Variants in B4GALT1 observed in about 807,000 individuals in gnomAD.
B4GALT1 encodes N-acetyllactosamine synthase.
Under a neutral mutation model 34.9 loss-of-function variants are expected in B4GALT1, and 16 were observed. The observed-to-expected ratio is 0.46, with a 90% CI of 0.31 to 0.70. B4GALT1 has a LOEUF of 0.70. B4GALT1 is among the 30% of genes least tolerant of loss of function. B4GALT1 has a pLI of 0.05. For synonymous variants in B4GALT1, 221 were observed against 218.1 expected (o/e 1.01, Z -0.12); for missense variants, 445 against 530.5 (o/e 0.84, Z 1.58).
At chr9:33,139,226 TG>T (rs1469187404) in intron 1 of B4GALT1, among the ~76,000 whole-genome samples, 2 of 152,168 alleles carry the variant, frequency 1.3e-5, no homozygotes, top group African/African-American at 4.8e-5. Flanking sequence ...AGACAAATCC[TG>T]CCTTCCAGGA....
the B4GALT1 span, among the ~76,000 whole-genome samples, chr9:33,175,686 T>C: frequency 3.9e-5 from 6 of 152,362 alleles, no homozygotes; most frequent in South Asian, 1.0e-3. Context: ...CATTGTGTTA[T>C]AATTGCCTAC....
chr9:33,166,949 G>A lies in B4GALT1; in HGVS notation c.221C>T (p.Ser74Phe). The A allele has an allele frequency of 1.3e-6, 2 of 1,576,136 alleles. No homozygotes were observed. The highest frequency in any genetic ancestry group is 1.7e-6 in the Non-Finnish European group (2 of 1,168,182). Residue 74 changes from serine (S) to phenylalanine (F), a missense_variant, in exon 1 of 6, where the codon TCC becomes TTC. Ser to Phe is a radical substitution (Grantham distance 155). This residue lies in a region of B4GALT1 where 349 missense variants were observed against 395.5 expected (regional missense o/e 0.88). Transcript: ENST00000379731. ...GGCCCCTCCGGTCCGGAGCTCCCCG[G>A]AGGACTGCCCGATGGCGGCGGCACT... ...SNSAAAIGQS[S>F]GELRTGGARP...
chr9:33,152,987 C>T (rs1322456056), intron 1 of B4GALT1, among the ~76,000 whole-genome samples: 1 of 151,996 alleles, frequency 6.6e-6, no homozygotes, highest in East Asian at 1.9e-4. Flanking sequence ...TCATTTGAGC[C>T]CAGGAGTTCG....
chr9:33,160,247 AC>A (rs1840655056), intron 1 of B4GALT1, among the ~76,000 whole-genome samples: 1 of 149,700 alleles, frequency 6.7e-6, no homozygotes, highest in African/African-American at 2.5e-5. Flanking sequence ...CACAAGCATC[AC>A]TACATCACTA....
At chr9:33,128,089 C>T (rs980202725) in intron 2 of B4GALT1, among the ~76,000 whole-genome samples, 8 of 152,010 alleles carry the variant, frequency 5.3e-5, no homozygotes, top group Admixed American at 2.0e-4. Context: ...GTAGTTAGGT[C>T]GGCATTCCTC....
chr9:33,106,726 G>C (rs965973673), downstream of B4GALT1, among the ~76,000 whole-genome samples: 4 of 152,184 alleles, frequency 2.6e-5, no homozygotes, highest in African/African-American at 4.8e-5. Flanking sequence ...TTTTACAAAT[G>C]ATGACCCAGA....
intron 2 of B4GALT1, among the ~76,000 whole-genome samples, chr9:33,132,545 C>A (rs1840208697): frequency 6.6e-6 from 1 of 152,188 alleles, no homozygotes; most frequent in Admixed American, 6.5e-5. Flanking sequence ...AGGTGGTGCC[C>A]AGTGTTAGCC....
chr9:33,179,104 C>G, the B4GALT1 span: 2 of 152,218 alleles, frequency 1.3e-5, no homozygotes, highest in Admixed American at 6.5e-5. Flanking sequence ...TTCTATGAGC[C>G]AAAACAAGTT....
chr9:33,121,693 A>C (rs1840023054), intron 2 of B4GALT1, among the ~76,000 whole-genome samples: 1 of 152,132 alleles, frequency 6.6e-6, no homozygotes, highest in Admixed American at 6.6e-5. Flanking sequence ...AGCTCAATGA[A>C]GGTTAGGATG....
At chr9:33,159,430 G>A (rs1840644017) in intron 1 of B4GALT1, among the ~76,000 whole-genome samples, 1 of 152,114 alleles carries the variant, frequency 6.6e-6, no homozygotes, top group South Asian at 2.1e-4. Context: ...CCTCGCCCTA[G>A]CACTCCAGGC....
intron 2 of B4GALT1, among the ~76,000 whole-genome samples, chr9:33,126,013 A>G (rs1218388111): frequency 6.6e-6 from 1 of 152,176 alleles, no homozygotes; most frequent in Non-Finnish European, 1.5e-5. Context: ...CAGAACTTCT[A>G]CGTGATAAGA....
intron 1 of B4GALT1, among the ~76,000 whole-genome samples, chr9:33,141,395 T>G (rs566117370): frequency 1.9e-4 from 29 of 152,170 alleles, no homozygotes; most frequent in Non-Finnish European, 3.5e-4. Flanking sequence ...GGTGTAGCTG[T>G]AATCCCAGCT....
upstream of B4GALT1, among the ~76,000 whole-genome samples, chr9:33,170,352 A>G (rs777849035): frequency 1.8e-4 from 28 of 152,326 alleles, no homozygotes; most frequent in Admixed American, 7.2e-4. Flanking sequence ...TTGCTAACTT[A>G]GTTTAGAACG....
downstream of B4GALT1, among the ~76,000 whole-genome samples, chr9:33,110,118 C>T (rs979573276): frequency 1.3e-5 from 2 of 152,240 alleles, no homozygotes; most frequent in African/African-American, 4.8e-5. Context: ...AGCCCTTCTT[C>T]AGGAGTGCCA....
At chr9:33,118,127 A>C (rs1362441149) in intron 3 of B4GALT1, among the ~76,000 whole-genome samples, 2 of 152,218 alleles carry the variant, frequency 1.3e-5, no homozygotes, top group Non-Finnish European at 2.9e-5. Context: ...TTTCAAGAGA[A>C]GAAGATACAC....
At chr9:33,177,407 T>C in the B4GALT1 span, 1 of 152,228 alleles carries the variant, frequency 6.6e-6, no homozygotes, top group Non-Finnish European at 1.5e-5. Context: ...TTTGTTTTAA[T>C]TATCTATTGC....
chr9:33,156,160 G>C (rs1840591099), intron 1 of B4GALT1, among the ~76,000 whole-genome samples: 1 of 151,768 alleles, frequency 6.6e-6, no homozygotes, highest in Non-Finnish European at 1.5e-5. Flanking sequence ...TGGAGACAGA[G>C]TCTCACTCTG....
intron 1 of B4GALT1, among the ~76,000 whole-genome samples, chr9:33,149,112 C>T (rs1458343012): frequency 6.6e-6 from 1 of 151,672 alleles, no homozygotes; most frequent in African/African-American, 2.4e-5. Context: ...CCATCAACTA[C>T]CATAATAACT....
intron 1 of B4GALT1, among the ~76,000 whole-genome samples, chr9:33,161,177 C>T (rs954586123): frequency 6.6e-6 from 1 of 152,124 alleles, no homozygotes; most frequent in Non-Finnish European, 1.5e-5. Flanking sequence ...ATTATATAGC[C>T]CCTGGCCTTC....
Sources: allele counts gnomAD v4.1 joint callset (sites outside exome capture counted in the v4.1 genomes callset), GRCh38; gene constraint gnomAD v4.1.1; regional missense constraint gnomAD v4.1.1; transcripts MANE v1.5; gene names NCBI Gene and HGNC (gene_info 2026-07-23, HGNC 2026-07-21).